MED13: variants seen among roughly 807,000 people sequenced by gnomAD.
MED13 encodes mediator of RNA polymerase II transcription subunit 13.
In MED13, 23 loss-of-function variants were observed where a neutral mutation model predicts 225.2. The observed-to-expected ratio is 0.10, with a 90% confidence interval of 0.07 to 0.14. MED13 has a LOEUF of 0.14. Ranked by LOEUF, MED13 falls within the 10% of genes least tolerant of loss-of-function variation. The pLI, the probability that MED13 is intolerant of heterozygous loss-of-function variation, is 1.00. For missense variants in MED13, 2,197 were observed against 2,594.5 expected, an observed-to-expected ratio of 0.85 and a Z score of 3.33; for synonymous variants, 942 against 889.2, an observed-to-expected ratio of 1.06 and a Z score of -1.06.
intron 9 of MED13, among the ~76,000 whole-genome samples, chr17:62,007,955 C>G (rs1043157368): frequency 6.9e-6 from 1 of 144,682 alleles, no homozygotes; most frequent in Non-Finnish European, 1.5e-5. Flanking sequence ...GAAGGCAGAG[C>G]TTCCAGTGAG....
At chr17:62,014,571 C>T (rs1305364078) in intron 8 of MED13, among the ~76,000 whole-genome samples, 1 of 152,162 alleles carries the variant, frequency 6.6e-6, no homozygotes, top group East Asian at 1.9e-4. Context: ...CCCACCTCGG[C>T]CTCCCAAAAT....
rs1034538810 is a variant in MED13 at position 61,963,581 on chromosome 17, C to T, written c.4845-610G>A. The stretch of plus-strand genomic sequence containing the variant: ...TTAGCCTCTCAAAGTGCTAGGATTA[C>T]AGGCATGAGCCACTTCACCTGGTCC... On this transcript the variant is annotated intron_variant, in intron 20 of 29. Transcript: ENST00000397786. 2.6e-5 allele frequency among the ~76,000 whole-genome samples: 4 copies of T among 152,186 alleles called. No individual in the cohort carries two copies. In the South Asian group the frequency reaches 6.2e-4, roughly 24 times the overall value.
chr17:62,029,431 A>AAAAT (rs2080733060), intron 8 of MED13, 110 bp downstream of exon 8: 1 of 738,976 alleles, frequency 1.4e-6, no homozygotes. Flanking sequence ...CTTTTGAAAA[A>AAAAT]AAATCCTGAC....
intron 8 of MED13, among the ~76,000 whole-genome samples, chr17:62,027,129 G>A (rs2080710231): frequency 6.6e-6 from 1 of 152,018 alleles, no homozygotes; most frequent in Admixed American, 6.6e-5. Context: ...AATAGCCAAG[G>A]CAATCCTAAG....
chr17:62,026,546 C>A (rs552898250), intron 8 of MED13, among the ~76,000 whole-genome samples: 1 of 149,768 alleles, frequency 6.7e-6, no homozygotes, highest in Non-Finnish European at 1.5e-5. Context: ...ATAAGAATGC[C>A]TCCTCTCACT....
intron 3 of MED13, among the ~76,000 whole-genome samples, chr17:62,049,585 T>TG (rs1449116935): frequency 1.3e-5 from 2 of 151,446 alleles, no homozygotes; most frequent in African/African-American, 4.9e-5. Flanking sequence ...AATAATTAAG[T>TG]GAAAAAAAGG....
intron 8 of MED13, among the ~76,000 whole-genome samples, chr17:62,022,172 A>ATAT (rs1555640200): frequency 3.0e-4 from 28 of 94,554 alleles, no homozygotes; most frequent in South Asian, 1.1e-3. Context: ...TCTCAAAAAA[A>ATAT]AAATATATAT....
intron 19 of MED13, 122 bp downstream of exon 19, chr17:61,966,340 C>G: frequency 1.3e-6 from 1 of 788,872 alleles, no homozygotes; most frequent in African/African-American, 1.7e-5. Flanking sequence ...ACAAAAGCAG[C>G]CAGAGAAAAT....
At chr17:62,000,680 G>A (rs1644786073) in intron 9 of MED13, among the ~76,000 whole-genome samples, 1 of 152,142 alleles carries the variant, frequency 6.6e-6, no homozygotes, top group African/African-American at 2.4e-5. Flanking sequence ...GCTTATTTAA[G>A]TGGATATGCC....
Position 61,956,401 on chromosome 17 carries a change from C to A in MED13, c.5561G>T (p.Ser1854Ile). 1 of 1,613,980 alleles carries A rather than the reference C, an allele frequency of 6.2e-7. No homozygotes were observed. Among genetic ancestry groups the A allele is most frequent in the Non-Finnish European group, 8.5e-7 (1 of 1,179,892 alleles). The change falls in exon 24 of 30, where the codon AGT becomes ATT. Residue 1854 changes from serine to isoleucine, a missense_variant. Transcript: ENST00000397786. The stretch of plus-strand genomic sequence containing the variant: ...AATTACAACTCTCCATGGCAATGAA[C>A]TCATTTGTACAAGTCCTAAGCACCA... ...WEWCLGLVQMSSLPWRVVIGR... is the reference protein window; with the variant it reads ...WEWCLGLVQMISLPWRVVIGR...
chr17:62,057,991 G>A (rs374407893), intron 2 of MED13, among the ~76,000 whole-genome samples: 2 of 152,122 alleles, frequency 1.3e-5, no homozygotes, highest in South Asian at 4.1e-4. Flanking sequence ...TTCCAAAAAT[G>A]TTAGAACACA....
At chr17:61,999,930 G>A (rs191319700) in intron 9 of MED13, among the ~76,000 whole-genome samples, 11 of 152,008 alleles carry the variant, frequency 7.2e-5, no homozygotes, top group South Asian at 2.1e-4. Context: ...TTAGCCAAGC[G>A]GTATTGTCAC....
intron 1 of MED13, 137 bp from the exon 2 acceptor site, chr17:62,063,438 A>C (rs546037570): frequency 1.8e-4 from 103 of 574,354 alleles, no homozygotes; most frequent in African/African-American, 1.7e-3. Flanking sequence ...AAATTAGAAC[A>C]AAAAAAGACT....
intron 2 of MED13, among the ~76,000 whole-genome samples, chr17:62,061,116 G>A (rs2081035745): frequency 6.6e-6 from 1 of 152,180 alleles, no homozygotes; most frequent in Non-Finnish European, 1.5e-5. Context: ...AAACATATCT[G>A]ACTGGTAACA....
At chr17:61,992,674 A>G (rs777237986) in intron 10 of MED13, 53 bp from the exon 11 acceptor site, 1 of 1,275,312 alleles carries the variant, frequency 7.8e-7, no homozygotes, top group Non-Finnish European at 1.1e-6. Context: ...CCAACAATAA[A>G]ATCTACCAAT....
chr17:61,984,365 A>C lies in MED13; in HGVS notation c.2694T>G (p.Asp898Glu), dbSNP rs1235966008. 3.2e-6 allele frequency: 5 copies of C among 1,550,798 alleles called. No homozygotes were observed. Among genetic ancestry groups the C allele is most frequent in the South Asian group, 1.2e-5 (1 of 80,244 alleles). Reference sequence around the variant, plus strand: ...TTTCAGGCTTATAGACATAAGAAAAATCCTACAATATAAAGATGGTAGGTT... The same window carrying C: ...TTTCAGGCTTATAGACATAAGAAAACTCCTACAATATAAAGATGGTAGGTT... Reference protein sequence around the residue: ...FCSPKPSEIKDFSYVYKPENC... With the variant: ...FCSPKPSEIKEFSYVYKPENC... Residue 898 changes from aspartate to glutamate, a missense_variant and splice_region_variant, in exon 15 of 30, where the codon GAT becomes GAG. Asp to Glu is a conservative substitution (Grantham distance 45). This residue lies in a region of MED13 where 160 missense variants were observed against 184.8 expected (regional missense o/e 0.87). Coordinates refer to ENST00000397786, the MANE Select transcript of MED13 (RefSeq NM_005121.3).
chr17:62,060,114 A>G (rs1389209531), intron 2 of MED13, among the ~76,000 whole-genome samples: 5 of 152,042 alleles, frequency 3.3e-5, no homozygotes, highest in Admixed American at 3.3e-4. Flanking sequence ...GAACACGGTG[A>G]AACCCCATCT....
At chr17:62,060,640 G>T (rs1435795019) in intron 2 of MED13, among the ~76,000 whole-genome samples, 2 of 126,066 alleles carry the variant, frequency 1.6e-5, no homozygotes, top group African/African-American at 3.0e-5. Context: ...ATGAGACTCC[G>T]TCTCAAAAAA....
Position 62,065,257 on chromosome 17 carries a change from C to T in MED13, c.-52G>A, listed in dbSNP as rs746430239. Reference sequence around the variant, plus strand: ...GCCACAACCCACCATCCGCCATTACCGCCGCCTCCGACCAGAGAGAGAAAC... The same window carrying T: ...GCCACAACCCACCATCCGCCATTACTGCCGCCTCCGACCAGAGAGAGAAAC... On this transcript the variant is annotated 5_prime_UTR_variant, in exon 1 of 30. Coordinates refer to ENST00000397786, the MANE Select transcript of MED13 (RefSeq NM_005121.3). The T allele has an allele frequency of 1.6e-5, 22 of 1,417,440 alleles. No homozygotes were observed. The highest frequency in any genetic ancestry group is 7.7e-5 in the South Asian group (6 of 78,166). The allele number at this position is 1,417,440 out of a possible 1,614,324, so 87.8% of individuals were successfully genotyped here.
Sources: gnomAD v4.1 joint callset for allele counts (sites outside exome capture counted in the v4.1 genomes callset) on GRCh38, gnomAD v4.1.1 for gene constraint, gnomAD v4.1.1 regional missense constraint, MANE v1.5 for transcripts, NCBI Gene and HGNC (gene_info 2026-07-23, HGNC 2026-07-21) for gene names.